TMC2: variants seen among roughly 807,000 people sequenced by gnomAD.
TMC2 encodes transmembrane channel like 2.
A neutral mutation model predicts 105.9 loss-of-function variants in TMC2; 102 were observed. That is an observed-to-expected ratio of 0.96 (90% CI 0.82 to 1.14). The LOEUF is 1.14. Ranked by LOEUF, TMC2 falls within the 50% of genes most tolerant of loss-of-function variation. TMC2 has a pLI of 0.00. For missense variants in TMC2, 1,093 were observed against 1,134.3 expected (o/e 0.96, Z 0.52); for synonymous variants, 402 against 422.8 (o/e 0.95, Z 0.60).
intron 11 of TMC2, among the ~76,000 whole-genome samples, chr20:2,610,060 G>T (rs2086423509): frequency 6.6e-6 from 1 of 152,156 alleles, no homozygotes. Flanking sequence ...TGTTAGCCAG[G>T]ATCTCCTGGC....
At chr20:2,605,108 G>A (rs547910994) in intron 11 of TMC2, among the ~76,000 whole-genome samples, 1 of 152,292 alleles carries the variant, frequency 6.6e-6, no homozygotes, top group South Asian at 2.1e-4. Flanking sequence ...CACCTGTGGA[G>A]TCTGTGCTCA....
intron 2 of TMC2, among the ~76,000 whole-genome samples, chr20:2,545,207 A>G (rs1297964329): frequency 1.3e-5 from 2 of 152,128 alleles, no homozygotes; most frequent in Admixed American, 1.3e-4. Flanking sequence ...ATTCTGTCTC[A>G]AAAATAAGTA....
At chr20:2,577,241 ATG>A (rs1260557035) in intron 5 of TMC2, among the ~76,000 whole-genome samples, 2 of 151,870 alleles carry the variant, frequency 1.3e-5, no homozygotes, top group Non-Finnish European at 2.9e-5. Flanking sequence ...GGGTTTCACT[ATG>A]TTAGCCAGGC....
At chr20:2,591,782 C>T (rs1219618226) in intron 7 of TMC2, among the ~76,000 whole-genome samples, 4 of 152,178 alleles carry the variant, frequency 2.6e-5, no homozygotes, top group East Asian at 1.9e-4. Context: ...AAAAGAAACG[C>T]TCTTCTGTAC....
At chr20:2,636,891 G>A (rs979693027) in intron 18 of TMC2, among the ~76,000 whole-genome samples, 2 of 152,132 alleles carry the variant, frequency 1.3e-5, no homozygotes, top group Non-Finnish European at 2.9e-5. Flanking sequence ...GATTATAGGC[G>A]TGAGCCACCG....
intron 2 of TMC2, among the ~76,000 whole-genome samples, chr20:2,539,391 G>GA (rs1369631144): frequency 6.6e-6 from 1 of 152,002 alleles, no homozygotes; most frequent in Non-Finnish European, 1.5e-5. Context: ...TTACAGCTCA[G>GA]AAAAAAAATT....
At chr20:2,640,370 C>T (rs6138640) in intron 19 of TMC2, among the ~76,000 whole-genome samples, 1 of 152,034 alleles carries the variant, frequency 6.6e-6, no homozygotes, top group Admixed American at 6.5e-5. Context: ...ATTAAGTATT[C>T]GCTATAATAA....
chr20:2,617,477 T>A (rs1161782760), intron 16 of TMC2, 166 bp downstream of exon 16: 1 of 912,638 alleles, frequency 1.1e-6, no homozygotes, highest in Non-Finnish European at 1.6e-6. Flanking sequence ...AGGATGGAAA[T>A]GTTAGGTCGT....
rs1490510387 is a variant in TMC2 at position 2,558,409 on chromosome 20, G to A, written c.83-47G>A. 36 of 1,548,214 alleles carry A rather than the reference G, an allele frequency of 2.3e-5. No individual in the cohort carries two copies. The highest frequency in any genetic ancestry group is 3.1e-5 in the Non-Finnish European group (35 of 1,146,012). On this transcript the variant is annotated intron_variant, in intron 2 of 19. Coordinates refer to ENST00000358864, the MANE Select transcript of TMC2 (RefSeq NM_080751.3). The surrounding 1 kb of genome is among the most constrained non-coding windows in gnomAD (Gnocchi z 4.6). ...CTCACGGCCGGGGACATTTTCCTGG[G>A]CCTGAGGCCGTTGGAACCAGAACTG... is the stretch of plus-strand genomic sequence containing the variant.
At chr20:2,621,303 A>C (rs1256574891) in intron 16 of TMC2, among the ~76,000 whole-genome samples, 1 of 151,536 alleles carries the variant, frequency 6.6e-6, no homozygotes, top group African/African-American at 2.4e-5. Context: ...TGGAGGTTGC[A>C]GTGAGCCAAG....
intron 2 of TMC2, among the ~76,000 whole-genome samples, chr20:2,557,623 C>T (rs1203819411): frequency 4.6e-5 from 7 of 152,156 alleles, no homozygotes; most frequent in Non-Finnish European, 8.8e-5. Context: ...CTCCACCTCC[C>T]GGGTTCAAGC....
chr20:2,629,364 G>A (rs1471855149), intron 17 of TMC2, among the ~76,000 whole-genome samples: 2 of 151,862 alleles, frequency 1.3e-5, no homozygotes, highest in Non-Finnish European at 2.9e-5. Context: ...TGCTTTTAAT[G>A]TTTTCAGTTA....
At chr20:2,544,980 G>A (rs2085913634) in intron 2 of TMC2, among the ~76,000 whole-genome samples, 1 of 150,830 alleles carries the variant, frequency 6.6e-6, no homozygotes, top group Admixed American at 6.6e-5. Flanking sequence ...AGGATCACTT[G>A]AGGCCAGGAG....
Position 2,636,456 on chromosome 20 carries a change from G to A in TMC2, c.2385+452G>A, listed in dbSNP as rs984437555. Among the ~76,000 whole-genome samples the A allele has an allele frequency of 9.6e-5, 8 of 82,930 alleles. No individual in the cohort carries two copies. The Admixed American group carries it at 1.1e-3, about 12-fold the overall frequency. 54.4% of individuals were successfully genotyped at this position (82,930 alleles called of 152,430 possible). A position where few individuals can be genotyped will look rare whatever the true frequency, so the allele number is the denominator to read the frequency against. On this transcript the variant is annotated intron_variant, in intron 18 of 19. Transcript: ENST00000358864. ...AGCTGACACCCTACTTCTGACTGCT[G>A]TCTACACACACACACACACACACAC...
In TMC2 at chr20:2,617,160, A is replaced by G; in HGVS notation, c.2029A>G (p.Ser677Gly). Residue 677 changes from serine (S) to glycine (G), a missense_variant, in exon 16 of 20, where the codon AGC becomes GGC. Coordinates refer to ENST00000358864, the MANE Select transcript of TMC2 (RefSeq NM_080751.3). ...SMYFQCWAVM[S>G]SNVPHERVFK... ...GTACTTCCAGTGCTGGGCGGTGATG[A>G]GCAGCAACGTACCCCATGAACGCGT... The G allele has an allele frequency of 6.2e-7, 1 of 1,614,190 alleles. No homozygotes were observed. Among genetic ancestry groups the G allele is most frequent in the Non-Finnish European group, 8.5e-7 (1 of 1,180,030 alleles).
chr20:2,613,159 C>A, intron 13 of TMC2, 35 bp from the exon 14 acceptor site: 1 of 1,598,472 alleles, frequency 6.3e-7, no homozygotes, highest in Non-Finnish European at 8.5e-7. Flanking sequence ...TGGGCAAGGT[C>A]TCCAACCACC....
At chr20:2,635,576 T>A (rs557087338) in intron 17 of TMC2, among the ~76,000 whole-genome samples, 6 of 152,162 alleles carry the variant, frequency 3.9e-5, no homozygotes, top group Non-Finnish European at 8.8e-5. Flanking sequence ...GGCACAGAGC[T>A]TGGCACAGGG....
At chr20:2,564,574 G>A (rs1192227569) in intron 4 of TMC2, among the ~76,000 whole-genome samples, 2 of 152,282 alleles carry the variant, frequency 1.3e-5, no homozygotes, top group South Asian at 2.1e-4. Context: ...GGTGTCACCA[G>A]AACACATCTT....
At chr20:2,594,689 A>T (rs2086292621) in intron 8 of TMC2, 136 bp from the exon 9 acceptor site, 1 of 869,608 alleles carries the variant, frequency 1.1e-6, no homozygotes, top group South Asian at 1.8e-5. Flanking sequence ...GAAGAACAAG[A>T]ACATCTGGAA....
Sources: allele counts gnomAD v4.1 joint callset (sites outside exome capture counted in the v4.1 genomes callset), GRCh38; gene constraint gnomAD v4.1.1; non-coding constraint Gnocchi (gnomAD v3.1); transcripts MANE v1.5; gene names NCBI Gene and HGNC (gene_info 2026-07-23, HGNC 2026-07-21).